ZC3H12C: variants seen among roughly 807,000 people sequenced by gnomAD.
ZC3H12C encodes the protein zinc finger CCCH-type containing 12C.
In ZC3H12C, 20 loss-of-function variants were observed where a neutral mutation model predicts 76.3. The observed-to-expected ratio is 0.26, with a 90% CI of 0.18 to 0.38. The LOEUF is 0.38. Among genes scored for constraint, ZC3H12C ranks in the 10% least tolerant of loss-of-function variants. ZC3H12C has a pLI of 1.00. For synonymous variants in ZC3H12C, 352 were observed against 399.6 expected (o/e 0.88, Z 1.42); for missense variants, 874 against 1,086.5 (o/e 0.80, Z 2.75).
chr11:110,116,520 C>T (rs554575780), intron 1 of ZC3H12C, among the ~76,000 whole-genome samples: 2 of 152,226 alleles, frequency 1.3e-5, no homozygotes, highest in Admixed American at 1.3e-4. Flanking sequence ...GTGGTAAGAA[C>T]TAATGGGACA....
intron 2 of ZC3H12C, among the ~76,000 whole-genome samples, chr11:110,143,099 TA>T (rs1388055242): frequency 2.0e-5 from 3 of 152,162 alleles, no homozygotes; most frequent in Non-Finnish European, 4.4e-5. Flanking sequence ...TAGGCATGCA[TA>T]AATAGTTATG....
At chr11:110,114,591 A>C (rs1861491522) in intron 1 of ZC3H12C, among the ~76,000 whole-genome samples, 4 of 152,214 alleles carry the variant, frequency 2.6e-5, no homozygotes, top group Non-Finnish European at 1.5e-5. Context: ...CCTTTCATTT[A>C]GTTTGACTGG....
chr11:110,159,790 C>T lies in ZC3H12C; in HGVS notation c.1148+300C>T, dbSNP rs1862445459. On this transcript the variant is annotated intron_variant, in intron 4 of 5. Transcript: ENST00000278590. ...GAGGAAACAGACACTGGGGAAATTCCCATCTTCACCCTCAAAGGACTGCCT... is the reference window on the plus strand; with the variant it reads ...GAGGAAACAGACACTGGGGAAATTCTCATCTTCACCCTCAAAGGACTGCCT... Among the ~76,000 whole-genome samples the T allele has an allele frequency of 2.0e-5, 3 of 152,208 alleles. No individual in the cohort carries two copies. The South Asian group carries it at 6.2e-4, about 32-fold the overall frequency.
intron 1 of ZC3H12C, among the ~76,000 whole-genome samples, chr11:110,115,251 A>G (rs188682517): frequency 1.2e-3 from 176 of 151,876 alleles, no homozygotes; most frequent in Non-Finnish European, 2.2e-3. Flanking sequence ...AACTACAGGC[A>G]TGCACCACCA....
At chr11:110,119,574 C>T (rs1308202135) in intron 1 of ZC3H12C, among the ~76,000 whole-genome samples, 2 of 152,204 alleles carry the variant, frequency 1.3e-5, no homozygotes, top group Admixed American at 6.5e-5. Context: ...ACCATGCACA[C>T]TCTCATCTCA....
rs117773813 is a variant in ZC3H12C, at chr11:110,150,501, C to T, written c.774-2418C>T. 5.3e-5 allele frequency among the ~76,000 whole-genome samples: 8 copies of T among 152,170 alleles called. No homozygotes were observed. The East Asian group carries it at 1.5e-3, about 29-fold the overall frequency. On this transcript the variant is annotated intron_variant, in intron 2 of 5. Coordinates refer to ENST00000278590, the MANE Select transcript of ZC3H12C (RefSeq NM_033390.2). ...TAATTTTTTAACAAGGACATTATATCTGCAATGTAATAACATATTGTGGTG... is the reference window on the plus strand; with the variant it reads ...TAATTTTTTAACAAGGACATTATATTTGCAATGTAATAACATATTGTGGTG...
Position 110,095,632 on chromosome 11 carries a change from G to C in ZC3H12C, c.21+2200G>C, listed in dbSNP as rs1047501226. Among the ~76,000 whole-genome samples, 11 of 152,146 alleles carry C rather than the reference G, an allele frequency of 7.2e-5. No homozygotes were observed. In the East Asian group the frequency reaches 1.7e-3, roughly 24 times the overall value. Reference sequence around the variant, plus strand: ...TGTGTAAGGCCCCCGACCTCTAAAAGGATAGATTATGAACGAACATAATGC... The same window carrying C: ...TGTGTAAGGCCCCCGACCTCTAAAACGATAGATTATGAACGAACATAATGC... On this transcript the variant is annotated intron_variant, in intron 1 of 5. Transcript: ENST00000278590.
chr11:110,097,610 T>C (rs1216350589), intron 1 of ZC3H12C, among the ~76,000 whole-genome samples: 1 of 152,214 alleles, frequency 6.6e-6, no homozygotes, highest in Non-Finnish European at 1.5e-5. Context: ...CAGTACCTCT[T>C]TTTTCAGATG....
At chr11:110,125,306 TGTGTGTGTGTGTGTG>T (rs1339903927) in intron 1 of ZC3H12C, among the ~76,000 whole-genome samples, 12 of 106,438 alleles carry the variant, frequency 1.1e-4, no homozygotes, top group African/African-American at 2.1e-4. Flanking sequence ...TGTGTGTGTG[TGTGTGTGTGTGTGTG>T]GTTTTTTTTG....
In ZC3H12C at chr11:110,114,206, CTTT is replaced by C. The variant is rs1278986822; in HGVS notation, c.21+20780_21+20782del. On this transcript the variant is annotated intron_variant, in intron 1 of 5. Coordinates refer to ENST00000278590, the MANE Select transcript of ZC3H12C (RefSeq NM_033390.2). Reference sequence around the variant, plus strand: ...TCCTGTTGTTCTCTGGGCAACAATCCTTTTTTTTCTTTGCCTCACCTTACTCCC... The same window carrying C: ...TCCTGTTGTTCTCTGGGCAACAATCCTTTTTCTTTGCCTCACCTTACTCCC... Among the ~76,000 whole-genome samples, 3 of 152,088 alleles carry C rather than the reference CTTT, an allele frequency of 2.0e-5. No individual in the cohort carries two copies. The East Asian group carries it at 5.8e-4, about 29-fold the overall frequency.
At chr11:110,111,716 T>TTTTTTC (rs1861433157) in intron 1 of ZC3H12C, among the ~76,000 whole-genome samples, 1 of 149,326 alleles carries the variant, frequency 6.7e-6, no homozygotes, top group Non-Finnish European at 1.5e-5. Flanking sequence ...TTTTTTTTTT[T>TTTTTTC]AGTTTTTGTG....
At chr11:110,102,161 T>C (rs1214666754) in intron 1 of ZC3H12C, among the ~76,000 whole-genome samples, 1 of 151,032 alleles carries the variant, frequency 6.6e-6, no homozygotes, top group Non-Finnish European at 1.5e-5. Flanking sequence ...TTAAGAAATA[T>C]ATTTTGTTAA....
chr11:110,150,672 T>C (rs1163996779), intron 2 of ZC3H12C, among the ~76,000 whole-genome samples: 2 of 152,166 alleles, frequency 1.3e-5, no homozygotes, highest in Non-Finnish European at 2.9e-5. Flanking sequence ...TTTGTATATG[T>C]CCATTAGATC....
At chr11:110,125,268 C>G (rs2134165864) in intron 1 of ZC3H12C, among the ~76,000 whole-genome samples, 2 of 139,382 alleles carry the variant, frequency 1.4e-5, no homozygotes, top group South Asian at 4.8e-4. Flanking sequence ...GGATCTCTCA[C>G]TAGTGTGTGT....
rs1862644399 is a variant in ZC3H12C, at chr11:110,169,822, AAAT to A, written c.*4090_*4092del. The A allele has an allele frequency of 2.0e-5, 3 of 152,358 alleles. No individual in the cohort carries two copies. The South Asian group carries it at 6.2e-4, about 32-fold the overall frequency. The allele number at this position is 152,358 out of a possible 1,614,324, so 9.4% of individuals were successfully genotyped here. On this transcript the variant is annotated 3_prime_UTR_variant, in exon 6 of 6. Coordinates refer to ENST00000278590, the MANE Select transcript of ZC3H12C (RefSeq NM_033390.2). ...CTTTTTCTGTAAAGGATCAGATAGT[AAAT>A]AATACAGGAATCATATGGACTTCAA...
intron 1 of ZC3H12C, among the ~76,000 whole-genome samples, chr11:110,132,228 AAG>A (rs1362926846): frequency 1.3e-5 from 2 of 151,470 alleles, no homozygotes; most frequent in African/African-American, 2.4e-5. Context: ...GAATAGAAAA[AAG>A]ATTTTTTTTT....
intron 3 of ZC3H12C, among the ~76,000 whole-genome samples, chr11:110,158,280 C>T (rs1490278210): frequency 2.0e-5 from 3 of 152,066 alleles, no homozygotes; most frequent in Non-Finnish European, 2.9e-5. Context: ...GAGGCTGAGG[C>T]GGGTGGATCA....
intron 4 of ZC3H12C, among the ~76,000 whole-genome samples, chr11:110,163,021 T>C (rs143775648): frequency 6.6e-6 from 1 of 152,328 alleles, no homozygotes; most frequent in East Asian, 1.9e-4. Flanking sequence ...GAAGAATTAA[T>C]AGGACATGCT....
intron 1 of ZC3H12C, among the ~76,000 whole-genome samples, chr11:110,116,016 T>C (rs1480795963): frequency 6.6e-6 from 1 of 152,136 alleles, no homozygotes; most frequent in Non-Finnish European, 1.5e-5. Context: ...TGCCTCAGCC[T>C]CCCAAAGTGC....
Sources: gnomAD v4.1 joint callset for allele counts (sites outside exome capture counted in the v4.1 genomes callset) on GRCh38, gnomAD v4.1.1 for gene constraint, MANE v1.5 for transcripts, NCBI Gene and HGNC (gene_info 2026-07-23, HGNC 2026-07-21) for gene names.